PLCG2: variants seen among roughly 807,000 people sequenced by gnomAD.
PLCG2 encodes phospholipase C gamma 2.
In PLCG2, 69 loss-of-function variants were observed where a neutral mutation model predicts 175.6. The ratio of observed to expected loss-of-function variants is 0.39; its 90% CI spans 0.32 to 0.48. The LOEUF (loss-of-function observed/expected upper bound fraction) is 0.48, where lower values mean the gene tolerates loss of function less well. Among genes scored for constraint, PLCG2 ranks in the 20% least tolerant of loss-of-function variants. The probability of loss-of-function intolerance (pLI) is 0.91; values close to 1 mark genes in which losing one functional copy is unlikely to be tolerated. For missense variants in PLCG2, 1,798 were observed against 1,650.9 expected (o/e 1.09, Z -1.54); for synonymous variants, 827 against 624.0 (o/e 1.33, Z -4.85).
At chr16:81,756,868 C>G (rs914319141) in intron 2 of PLCG2, among the ~76,000 whole-genome samples, 2 of 152,150 alleles carry the variant, frequency 1.3e-5, no homozygotes, top group African/African-American at 2.4e-5. Context: ...TCTGATCTGT[C>G]TTGAGAGCCC....
chr16:81,849,101 G>A (rs191397959), intron 2 of PLCG2, among the ~76,000 whole-genome samples: 4 of 152,172 alleles, frequency 2.6e-5, no homozygotes, highest in African/African-American at 9.7e-5. Flanking sequence ...GCCACGTGGG[G>A]TTGGAGGGGT....
At chr16:81,775,436 A>T (rs1397670455), upstream of PLCG2, among the ~76,000 whole-genome samples, 1 of 152,200 alleles carries the variant, frequency 6.6e-6, no homozygotes, top group Non-Finnish European at 1.5e-5. Flanking sequence ...TTCCAAGTTC[A>T]TGCTTTCACA....
chr16:81,805,343 T>G (rs1911948846), intron 2 of PLCG2, among the ~76,000 whole-genome samples: 1 of 150,992 alleles, frequency 6.6e-6, no homozygotes, highest in Non-Finnish European at 1.5e-5. Context: ...ACTAAAAATA[T>G]AAAAAATTAG....
At chr16:81,742,540 C>T (rs559632001) in intron 1 of PLCG2, among the ~76,000 whole-genome samples, 9 of 152,296 alleles carry the variant, frequency 5.9e-5, no homozygotes, top group South Asian at 4.1e-4. Flanking sequence ...AGGAAAGGAA[C>T]GTCCCATGCA....
intron 2 of PLCG2, among the ~76,000 whole-genome samples, chr16:81,837,136 C>G (rs529445091): frequency 6.6e-6 from 1 of 152,032 alleles, no homozygotes; most frequent in East Asian, 1.9e-4. Context: ...CAAACAAAAA[C>G]AAAAAAAGAC....
In PLCG2 at chr16:81,845,432, A is replaced by G. The variant is rs930864654; in HGVS notation, c.194-9012A>G. Among the ~76,000 whole-genome samples, 16 of 152,228 alleles carry G rather than the reference A, an allele frequency of 1.1e-4. 1 individual carries two copies. Among genetic ancestry groups the G allele is most frequent in the African/African-American group, 2.7e-4 (11 of 41,454 alleles). On this transcript the variant is annotated intron_variant, in intron 2 of 32. Coordinates refer to ENST00000564138, the MANE Select transcript of PLCG2 (RefSeq NM_002661.5). ...AGAGCACTGTGTGGTAAGTATCACT[A>G]TCACTCCTGTTGTTCACATGAAGAA... is the stretch of plus-strand genomic sequence containing the variant.
chr16:81,852,152 C>T (rs958493002), intron 2 of PLCG2: 1 of 152,236 alleles, frequency 6.6e-6, no homozygotes, highest in Non-Finnish European at 1.5e-5. Context: ...ATAACACTTT[C>T]TTCCATGGTA....
rs141898033 is a variant in PLCG2 at position 81,741,294 on chromosome 16, A to G, written c.-145+1909A>G. Among the ~76,000 whole-genome samples the G allele has an allele frequency of 1.8e-3, 270 of 152,360 alleles. 2 individuals are homozygous for G. The highest frequency in any genetic ancestry group is 3.1e-3 in the Non-Finnish European group (211 of 68,036). ...GTTGTATTTTACAGATGAGGAAACT[A>G]TAGCTCAGAGAGGTAAAGTGACTTG... On this transcript the variant is annotated intron_variant, in intron 1 of 5. Coordinates refer to the PLCG2 transcript ENST00000565054.
At chr16:81,884,635 C>T (rs1418300226) in intron 9 of PLCG2, among the ~76,000 whole-genome samples, 1 of 151,692 alleles carries the variant, frequency 6.6e-6, no homozygotes, top group East Asian at 1.9e-4. Flanking sequence ...GTATGCATGT[C>T]TTTTCACATA....
chr16:81,757,677 C>T (rs1909956965), intron 2 of PLCG2, among the ~76,000 whole-genome samples: 1 of 152,166 alleles, frequency 6.6e-6, no homozygotes, highest in Admixed American at 6.6e-5. Flanking sequence ...ATTCATGTAT[C>T]ACGCAATTCA....
intron 2 of PLCG2, among the ~76,000 whole-genome samples, chr16:81,759,895 G>A (rs1400502336): frequency 2.0e-5 from 3 of 152,224 alleles, no homozygotes; most frequent in Non-Finnish European, 4.4e-5. Context: ...GGGAGGCCGA[G>A]GCGGGCAGAT....
At chr16:81,753,788 C>T (rs1909862538) in intron 1 of PLCG2, among the ~76,000 whole-genome samples, 1 of 152,168 alleles carries the variant, frequency 6.6e-6, no homozygotes, top group African/African-American at 2.4e-5. Flanking sequence ...ACAGCCATGA[C>T]TGTAGGATGG....
intron 1 of PLCG2, among the ~76,000 whole-genome samples, chr16:81,783,306 T>C (rs1048910348): frequency 6.6e-6 from 1 of 152,150 alleles, no homozygotes; most frequent in African/African-American, 2.4e-5. Context: ...TAAAATTTTA[T>C]TATTATATTA....
chr16:81,835,111 G>A (rs942969945), intron 2 of PLCG2, among the ~76,000 whole-genome samples: 1 of 152,144 alleles, frequency 6.6e-6, no homozygotes, highest in East Asian at 1.9e-4. Flanking sequence ...TGTCAGCTCT[G>A]TTATTGATTC....
At chr16:81,764,183 A>G (rs912853139) in intron 2 of PLCG2, among the ~76,000 whole-genome samples, 1 of 151,504 alleles carries the variant, frequency 6.6e-6, no homozygotes, top group Non-Finnish European at 1.5e-5. Context: ...ATCCCTAGCT[A>G]CTCCGGAGGC....
chr16:81,928,853 G>A (rs1442945510), intron 24 of PLCG2: 2 of 461,018 alleles, frequency 4.3e-6, no homozygotes, highest in Non-Finnish European at 7.9e-6. Context: ...TCGTACATAA[G>A]TGCTAGATGG....
At chr16:81,791,004 A>C (rs1370993730) in intron 2 of PLCG2, among the ~76,000 whole-genome samples, 3 of 152,160 alleles carry the variant, frequency 2.0e-5, no homozygotes, top group Admixed American at 1.3e-4. Flanking sequence ...TCACAGCAAT[A>C]AAATGTCACT....
intron 24 of PLCG2, 52 bp downstream of exon 24, chr16:81,928,676 C>A: frequency 8.1e-7 from 1 of 1,239,328 alleles, no homozygotes. Flanking sequence ...CCCCCATGGG[C>A]TGACCTCAGC....
At chr16:81,940,173 T>A in intron 30 of PLCG2, 114 bp downstream of exon 30, 1 of 906,060 alleles carries the variant, frequency 1.1e-6, no homozygotes, top group Non-Finnish European at 1.7e-6. Context: ...GGAATCACTG[T>A]AAAACCGATT....
Sources: gnomAD v4.1 joint callset for allele counts (sites outside exome capture counted in the v4.1 genomes callset) on GRCh38, gnomAD v4.1.1 for gene constraint, MANE v1.5 for transcripts, NCBI Gene and HGNC (gene_info 2026-07-23, HGNC 2026-07-21) for gene names.